Variants in GPR158 observed in about 807,000 individuals in gnomAD.
GPR158 encodes metabotropic glycine receptor.
In GPR158, 30 loss-of-function variants were observed where a neutral mutation model predicts 78.2. The observed-to-expected ratio is 0.38, with a 90% CI of 0.29 to 0.52. The LOEUF is 0.52. GPR158 is among the 20% of genes least tolerant of loss of function. The pLI is 0.83. For synonymous variants in GPR158, 581 were observed against 591.1 expected, an observed-to-expected ratio of 0.98 and a Z score of 0.25; for missense variants, 1,463 against 1,523.5, an observed-to-expected ratio of 0.96 and a Z score of 0.66.
At chr10:25,351,438 G>A (rs1046518947) in intron 2 of GPR158, among the ~76,000 whole-genome samples, 2 of 149,854 alleles carry the variant, frequency 1.3e-5, no homozygotes, top group South Asian at 2.1e-4. Context: ...GGGTGGGGGG[G>A]TGCTGGAAAT....
chr10:25,440,039 C>G (rs996428743), intron 4 of GPR158, among the ~76,000 whole-genome samples: 1 of 152,194 alleles, frequency 6.6e-6, no homozygotes, highest in East Asian at 1.9e-4. Context: ...CTCCTCCACA[C>G]ACCTGTAATT....
At chr10:25,512,593 C>T (rs1836099848) in intron 5 of GPR158, among the ~76,000 whole-genome samples, 1 of 152,106 alleles carries the variant, frequency 6.6e-6, no homozygotes, top group Non-Finnish European at 1.5e-5. Context: ...AAGTGGTCAG[C>T]CTTGTCTTGT....
intron 5 of GPR158, among the ~76,000 whole-genome samples, chr10:25,546,541 C>G (rs1426822672): frequency 6.6e-6 from 1 of 152,172 alleles, no homozygotes; most frequent in Non-Finnish European, 1.5e-5. Context: ...TCCTGTATCT[C>G]CATGAATGAA....
chr10:25,554,565 A>G, intron 6 of GPR158, among the ~76,000 whole-genome samples: 1 of 152,150 alleles, frequency 6.6e-6, no homozygotes, highest in Admixed American at 6.6e-5. Context: ...CATTTGATAA[A>G]TACTATTAGT....
intron 6 of GPR158, among the ~76,000 whole-genome samples, chr10:25,569,696 C>T (rs79297190): frequency 0.022 from 3,332 of 152,170 alleles, 54 homozygotes; most frequent in Middle Eastern, 0.054. Context: ...ATATCTTTTC[C>T]ACTTTCCTTC....
intron 5 of GPR158, among the ~76,000 whole-genome samples, chr10:25,537,198 A>G (rs1003974715): frequency 3.3e-5 from 5 of 152,238 alleles, no homozygotes; most frequent in African/African-American, 1.2e-4. Context: ...CTTTCCAACC[A>G]AAACAAAGTA....
At chr10:25,352,172 G>A (rs12777013) in intron 2 of GPR158, among the ~76,000 whole-genome samples, 8,526 of 152,014 alleles carry the variant, frequency 0.056, 520 homozygotes, top group African/African-American at 0.15. Context: ...ATTTGTGATT[G>A]TTTGATATCC....
At chr10:25,547,665 G>A (rs1045883469) in intron 5 of GPR158, among the ~76,000 whole-genome samples, 19 of 152,154 alleles carry the variant, frequency 1.2e-4, no homozygotes, top group African/African-American at 4.3e-4. Context: ...GAGCCAGTTA[G>A]GAGGCAGGAT....
intron 2 of GPR158, among the ~76,000 whole-genome samples, chr10:25,326,679 A>G (rs1240467736): frequency 1.3e-5 from 2 of 152,222 alleles, no homozygotes; most frequent in African/African-American, 4.8e-5. Context: ...GAGATCTATC[A>G]TACAGCATGG....
At chr10:25,494,162 G>T (rs1169575034) in intron 5 of GPR158, among the ~76,000 whole-genome samples, 1 of 152,084 alleles carries the variant, frequency 6.6e-6, no homozygotes, top group African/African-American at 2.4e-5. Context: ...GGAAAGCCAA[G>T]AATAAAATCT....
rs144424652 is a variant in GPR158 at position 25,280,291 on chromosome 10, G to A, written c.1008+59134G>A. ...AATAAGGATGAAAAAAGATATGCCA[G>A]GAGAATACTAATTAAAAGAAAGCTG... is the stretch of plus-strand genomic sequence containing the variant. On this transcript the variant is annotated intron_variant, in intron 2 of 10. Coordinates refer to ENST00000376351, the MANE Select transcript of GPR158 (RefSeq NM_020752.3). 1.7e-4 allele frequency among the ~76,000 whole-genome samples: 26 copies of A among 152,232 alleles called. 1 individual carries two copies. The East Asian group carries it at 4.4e-3, about 26-fold the overall frequency.
At chr10:25,204,368 C>T (rs1450534852) in intron 1 of GPR158, among the ~76,000 whole-genome samples, 2 of 152,130 alleles carry the variant, frequency 1.3e-5, no homozygotes, top group Non-Finnish European at 2.9e-5. Context: ...TTTGCCCATT[C>T]AGTATGATAT....
In GPR158 at chr10:25,466,657, C is replaced by T. The variant is rs141963368; in HGVS notation, c.1342C>T (p.Arg448Trp). ...TTTTATTTTGTTTTTTCAGAGCATC[C>T]GGGCATCGGGCCTTATCCTGTTGGA... The part of the protein sequence containing the change: ...VYHFRKAKSI[R>W]ASGLILLETI... Residue 448 changes from arginine to tryptophan, a missense_variant, in exon 5 of 11, where the codon CGG becomes TGG. By Grantham distance (101) the Arg-to-Trp change is moderately radical. Coordinates refer to ENST00000376351, the MANE Select transcript of GPR158 (RefSeq NM_020752.3). 90 of 1,600,436 alleles carry T rather than the reference C, an allele frequency of 5.6e-5. No homozygotes were observed. In the African/African-American group the frequency reaches 8.1e-4, roughly 14 times the overall value.
At chr10:25,209,479 A>G (rs1008262728) in intron 1 of GPR158, among the ~76,000 whole-genome samples, 1 of 152,112 alleles carries the variant, frequency 6.6e-6, no homozygotes, top group Non-Finnish European at 1.5e-5. Context: ...TTCCCACTAA[A>G]CCAGAATCTT....
intron 1 of GPR158, among the ~76,000 whole-genome samples, chr10:25,207,348 T>A (rs2130664160): frequency 6.6e-6 from 1 of 152,220 alleles, no homozygotes; most frequent in Non-Finnish European, 1.5e-5. Context: ...TATTAATCTG[T>A]TTCCCCCCTT....
intron 2 of GPR158, 27 bp from the exon 3 acceptor site, chr10:25,395,884 T>G (rs771311638): frequency 4.5e-6 from 5 of 1,106,124 alleles, no homozygotes; most frequent in Non-Finnish European, 6.9e-6. Flanking sequence ...CATGATCAAC[T>G]ATGTTGCTGT....
intron 4 of GPR158, among the ~76,000 whole-genome samples, chr10:25,438,527 C>T (rs1835028308): frequency 6.6e-6 from 1 of 152,084 alleles, no homozygotes; most frequent in South Asian, 2.1e-4. Context: ...TATGTGTGAC[C>T]ATTAATTAAT....
chr10:25,350,757 C>T (rs1290354138), intron 2 of GPR158, among the ~76,000 whole-genome samples: 2 of 151,984 alleles, frequency 1.3e-5, no homozygotes, highest in African/African-American at 4.8e-5. Flanking sequence ...TGGAGAGCAT[C>T]AGTTGGTGAC....
chr10:25,533,089 A>C (rs1219125909), intron 5 of GPR158, among the ~76,000 whole-genome samples: 2 of 152,186 alleles, frequency 1.3e-5, no homozygotes, highest in Non-Finnish European at 2.9e-5. Flanking sequence ...CTTGCAAAAA[A>C]TGCTTTAGTG....
Sources: gnomAD v4.1 joint callset for allele counts (sites outside exome capture counted in the v4.1 genomes callset) on GRCh38, gnomAD v4.1.1 for gene constraint, MANE v1.5 for transcripts, NCBI Gene and HGNC (gene_info 2026-07-23, HGNC 2026-07-21) for gene names.